WWOX: variants seen among roughly 807,000 people sequenced by gnomAD.
The protein encoded by WWOX is WW domain containing oxidoreductase, also known as WW domain-containing oxidoreductase.
WWOX carries 69 observed loss-of-function variants against 46.2 expected under a neutral mutation model. The observed-to-expected ratio is 1.49, with a 90% confidence interval of 1.23 to 1.82. WWOX has a LOEUF of 1.82. Among genes scored for constraint, WWOX ranks in the 40% most tolerant of loss-of-function variants. The pLI is 0.00. For synonymous variants in WWOX, 359 were observed against 202.6 expected (o/e 1.77, Z -6.56); for missense variants, 919 against 542.6 (o/e 1.69, Z -6.89).
At chr16:78,908,452 A>C (rs1359595348) in intron 8 of WWOX, among the ~76,000 whole-genome samples, 2 of 151,664 alleles carry the variant, frequency 1.3e-5, no homozygotes, top group African/African-American at 4.8e-5. Context: ...AGGCAGGAGA[A>C]CTGCTTGAAC....
At chr16:78,437,173 G>A (rs2083353097) in intron 8 of WWOX, among the ~76,000 whole-genome samples, 1 of 152,160 alleles carries the variant, frequency 6.6e-6, no homozygotes, top group African/African-American at 2.4e-5. Flanking sequence ...TTTCTTCTCT[G>A]TAGCTGGCTC....
chr16:78,916,397 A>C (rs753184877), intron 8 of WWOX, among the ~76,000 whole-genome samples: 1 of 152,212 alleles, frequency 6.6e-6, no homozygotes, highest in African/African-American at 2.4e-5. Flanking sequence ...AAAGTCAAAC[A>C]TGGGAAGACT....
intron 8 of WWOX, among the ~76,000 whole-genome samples, chr16:78,968,917 AAG>A (rs2046415803): frequency 1.7e-5 from 2 of 114,314 alleles, no homozygotes; most frequent in African/African-American, 5.8e-5. Flanking sequence ...CAGTTTCTTA[AAG>A]AAAAAAAAAA....
intron 5 of WWOX, among the ~76,000 whole-genome samples, chr16:78,214,560 A>G (rs2036658508): frequency 6.6e-6 from 1 of 152,050 alleles, no homozygotes; most frequent in Non-Finnish European, 1.5e-5. Context: ...CCCTCTGAAT[A>G]TGCTGTCCCT....
At chr16:79,026,266 C>T (rs1015547412) in intron 8 of WWOX, among the ~76,000 whole-genome samples, 20 of 151,842 alleles carry the variant, frequency 1.3e-4, no homozygotes, top group African/African-American at 4.9e-4. Context: ...ACCCTACCCT[C>T]GGTCAACTCC....
chr16:79,120,730 C>G (rs184694780), intron 8 of WWOX, among the ~76,000 whole-genome samples: 2 of 152,190 alleles, frequency 1.3e-5, no homozygotes, highest in East Asian at 3.9e-4. Context: ...ACTTGGACTT[C>G]CCTTCTGTCT....
chr16:78,839,371 A>G (rs957592044), intron 8 of WWOX, among the ~76,000 whole-genome samples: 1 of 152,230 alleles, frequency 6.6e-6, no homozygotes, highest in East Asian at 1.9e-4. Flanking sequence ...TCATGTCCTC[A>G]GAGAGGTCCA....
At chr16:78,212,810 T>C (rs143211198) in intron 5 of WWOX, among the ~76,000 whole-genome samples, 1,838 of 152,254 alleles carry the variant, frequency 0.012, 50 homozygotes, top group African/African-American at 0.042. Context: ...AGGATGGAAC[T>C]TGAACTGCTT....
intron 8 of WWOX, among the ~76,000 whole-genome samples, chr16:78,564,958 A>G (rs9928690): frequency 0.5 from 76,041 of 151,902 alleles, 20,661 homozygotes; most frequent in African/African-American, 0.73. Context: ...TTTTAACAAG[A>G]CAAGTAGAAA....
Position 78,611,326 on chromosome 16 carries a change from A to G in WWOX, c.1056+178574A>G, listed in dbSNP as rs536635196. ...TTAAATCCCCTGTCAACGCAATTAG[A>G]TAATACAAAAATAACAAAACTACAG... On this transcript the variant is annotated intron_variant, in intron 8 of 8. Coordinates refer to ENST00000566780, the MANE Select transcript of WWOX (RefSeq NM_016373.4). Among the ~76,000 whole-genome samples, 70 of 152,342 alleles carry G rather than the reference A, an allele frequency of 4.6e-4. 1 individual carries two copies. The highest frequency in any genetic ancestry group is 8.1e-4 in the Non-Finnish European group (55 of 68,032).
chr16:78,831,178 C>G (rs2051812008), intron 8 of WWOX, among the ~76,000 whole-genome samples: 1 of 152,254 alleles, frequency 6.6e-6, no homozygotes, highest in South Asian at 2.1e-4. Flanking sequence ...GCTGAAGACC[C>G]TGGCTGTCTG....
intron 8 of WWOX, among the ~76,000 whole-genome samples, chr16:79,106,189 C>A (rs528867160): frequency 2.6e-5 from 4 of 152,312 alleles, no homozygotes; most frequent in African/African-American, 7.2e-5. Context: ...TTTCAGCAAG[C>A]CTTCCAAGAG....
At chr16:79,074,380 A>G (rs1251997003) in intron 8 of WWOX, among the ~76,000 whole-genome samples, 1 of 140,920 alleles carries the variant, frequency 7.1e-6, no homozygotes, top group African/African-American at 2.6e-5. Context: ...TCAAAGCCGA[A>G]TCTCATCCTG....
intron 8 of WWOX, among the ~76,000 whole-genome samples, chr16:78,856,921 G>C (rs2052580481): frequency 6.6e-6 from 1 of 152,160 alleles, no homozygotes; most frequent in Non-Finnish European, 1.5e-5. Flanking sequence ...CATACTCCTA[G>C]GCTAGGTAGA....
chr16:78,543,371 C>G (rs1300909612), intron 8 of WWOX, among the ~76,000 whole-genome samples: 2 of 152,190 alleles, frequency 1.3e-5, no homozygotes, highest in Non-Finnish European at 2.9e-5. Flanking sequence ...TCTGTGCACA[C>G]TATGGATTTT....
At chr16:78,382,175 T>G (rs996836178) in intron 5 of WWOX, among the ~76,000 whole-genome samples, 2 of 152,324 alleles carry the variant, frequency 1.3e-5, no homozygotes, top group African/African-American at 4.8e-5. Context: ...GTTGTTGTTG[T>G]TCCTCACTTT....
intron 8 of WWOX, among the ~76,000 whole-genome samples, chr16:78,887,176 G>A (rs543753063): frequency 1.3e-4 from 20 of 149,000 alleles, no homozygotes; most frequent in South Asian, 6.4e-4. Context: ...ATTTTCTCCC[G>A]TAAGTTAAAC....
intron 8 of WWOX, chr16:78,873,541 C>G (rs984122020): frequency 3.3e-5 from 5 of 152,198 alleles, no homozygotes; most frequent in African/African-American, 1.2e-4. Flanking sequence ...AATCCCAGCA[C>G]TTTTGGAGGC....
chr16:78,155,048 C>A (rs529940442), intron 4 of WWOX, among the ~76,000 whole-genome samples: 1 of 152,194 alleles, frequency 6.6e-6, no homozygotes, highest in South Asian at 2.1e-4. Flanking sequence ...CCTGTCACCA[C>A]GTGGGATTGG....
Sources: allele counts gnomAD v4.1 joint callset (sites outside exome capture counted in the v4.1 genomes callset), GRCh38; gene constraint gnomAD v4.1.1; transcripts MANE v1.5; gene names NCBI Gene and HGNC (gene_info 2026-07-23, HGNC 2026-07-21).